KAZN: variants seen among roughly 807,000 people sequenced by gnomAD.
The protein encoded by KAZN is kazrin, periplakin interacting protein.
In KAZN, 40 loss-of-function variants were observed where a neutral mutation model predicts 87.4. That is an observed-to-expected ratio of 0.46 (90% CI 0.36 to 0.60). The LOEUF (loss-of-function observed/expected upper bound fraction) is 0.60, where lower values mean the gene tolerates loss of function less well. Among genes scored for constraint, KAZN ranks in the 20% least tolerant of loss-of-function variants. The pLI is 0.00. For missense variants in KAZN, 898 were observed against 1,073.9 expected, an observed-to-expected ratio of 0.84 and a Z score of 2.29; for synonymous variants, 466 against 458.3, an observed-to-expected ratio of 1.02 and a Z score of -0.22.
chr1:14,187,482 T>G (rs1646333171), intron 2 of KAZN, among the ~76,000 whole-genome samples: 1 of 152,174 alleles, frequency 6.6e-6, no homozygotes, highest in Admixed American at 6.5e-5. Flanking sequence ...TGATGTCTAC[T>G]GTGATGTTGG....
intron 2 of KAZN, among the ~76,000 whole-genome samples, chr1:15,030,451 A>T (rs1276428634): frequency 6.6e-6 from 1 of 152,092 alleles, no homozygotes; most frequent in African/African-American, 2.4e-5. Flanking sequence ...TATTTTTAGT[A>T]GAGACGGGGT....
chr1:14,225,870 T>C (rs1647257197), intron 2 of KAZN, among the ~76,000 whole-genome samples: 1 of 152,176 alleles, frequency 6.6e-6, no homozygotes, highest in African/African-American at 2.4e-5. Context: ...CAAGATGGAT[T>C]AAGGACTTAA....
chr1:14,155,872 A>G (rs2101812164), intron 1 of KAZN, among the ~76,000 whole-genome samples: 1 of 151,820 alleles, frequency 6.6e-6, no homozygotes, highest in African/African-American at 2.4e-5. Context: ...CTGATCTCGA[A>G]CTCCTGGCCT....
At chr1:14,051,509 T>C (rs542834249) in intron 1 of KAZN, among the ~76,000 whole-genome samples, 32 of 152,324 alleles carry the variant, frequency 2.1e-4, no homozygotes, top group Non-Finnish European at 2.8e-4. Context: ...CTGCAAGGTA[T>C]TGAATTATCT....
At chr1:14,673,924 G>T (rs548141876) in intron 1 of KAZN, among the ~76,000 whole-genome samples, 1 of 152,292 alleles carries the variant, frequency 6.6e-6, no homozygotes, top group East Asian at 1.9e-4. Flanking sequence ...ACTGGACTTT[G>T]GTTAGAAGCA....
intron 1 of KAZN, among the ~76,000 whole-genome samples, chr1:14,895,735 G>A (rs767382796): frequency 4.6e-5 from 7 of 152,184 alleles, no homozygotes; most frequent in African/African-American, 1.7e-4. Context: ...CATGCAGGCC[G>A]TGATCCCTGG....
chr1:14,740,653 C>G (rs1400843310), intron 1 of KAZN, among the ~76,000 whole-genome samples: 1 of 152,140 alleles, frequency 6.6e-6, no homozygotes, highest in East Asian at 1.9e-4. Flanking sequence ...CCGCTCTGGC[C>G]GCCCGCACTC....
chr1:15,040,806 C>T (rs965327716), intron 3 of KAZN, among the ~76,000 whole-genome samples: 8 of 151,154 alleles, frequency 5.3e-5, no homozygotes, highest in African/African-American at 1.9e-4. Context: ...AACAAACAAA[C>T]AAAAAACAGA....
intron 2 of KAZN, among the ~76,000 whole-genome samples, chr1:15,022,757 C>A (rs1269010996): frequency 6.6e-6 from 1 of 152,220 alleles, no homozygotes; most frequent in African/African-American, 2.4e-5. Context: ...CGGTCAGTCA[C>A]CCCCTCTAGG....
intron 1 of KAZN, among the ~76,000 whole-genome samples, chr1:14,780,408 C>T (rs1296700111): frequency 6.6e-6 from 1 of 152,156 alleles, no homozygotes; most frequent in Admixed American, 6.5e-5. Flanking sequence ...TTTGTGGGTT[C>T]ATTTACTATT....
chr1:14,458,134 T>C (rs74707579), intron 2 of KAZN, among the ~76,000 whole-genome samples: 12,487 of 152,260 alleles, frequency 0.082, 661 homozygotes, highest in South Asian at 0.12. Flanking sequence ...GTATAGTATA[T>C]TCTTAAACAA....
chr1:13,908,973 C>A (rs1639549411), intron 1 of KAZN, among the ~76,000 whole-genome samples: 2 of 152,194 alleles, frequency 1.3e-5, no homozygotes, highest in Non-Finnish European at 1.5e-5. Flanking sequence ...TTTCGCAAAG[C>A]AGCAGAGCTC....
At chr1:14,523,586 GC>G (rs1671697990) in intron 2 of KAZN, among the ~76,000 whole-genome samples, 1 of 152,230 alleles carries the variant, frequency 6.6e-6, no homozygotes, top group African/African-American at 2.4e-5. Flanking sequence ...ATCACCAGCA[GC>G]CCTCTAGTGA....
chr1:14,859,681 C>T (rs1040203765), intron 1 of KAZN, among the ~76,000 whole-genome samples: 5 of 152,210 alleles, frequency 3.3e-5, no homozygotes, highest in African/African-American at 1.2e-4. Context: ...AAGCCCTTAT[C>T]TGTCAATGTC....
chr1:15,104,144 G>A lies in KAZN; in HGVS notation c.2003G>A (p.Arg668Gln), dbSNP rs147449416. Residue 668 changes from arginine (R) to glutamine (Q), a missense_variant, in exon 13 of 15, where the codon CGG (arginine) becomes CAG (glutamine). Coordinates refer to ENST00000376030, the MANE Select transcript of KAZN (RefSeq NM_201628.3). ...LGIPSGKHILRRHLAEEMSAV... is the reference protein window; with the variant it reads ...LGIPSGKHILQRHLAEEMSAV... ...ATCCCCAGTGGGAAGCACATCCTCC[G>A]GAGACACCTGGCAGAGGAGATGAGC... is the stretch of plus-strand genomic sequence containing the variant. 58 of 1,603,872 alleles carry A rather than the reference G, an allele frequency of 3.6e-5. No homozygotes were observed. Among genetic ancestry groups the A allele is most frequent in the East Asian group, 4.5e-5 (2 of 44,356 alleles).
intron 8 of KAZN, among the ~76,000 whole-genome samples, chr1:15,091,787 G>A (rs1379556594): frequency 6.6e-6 from 1 of 152,116 alleles, no homozygotes. Context: ...TTGCTTCCTA[G>A]TATTTAATTT....
intron 1 of KAZN, among the ~76,000 whole-genome samples, chr1:14,649,698 G>T (rs1638226776): frequency 6.6e-6 from 1 of 152,150 alleles, no homozygotes; most frequent in South Asian, 2.1e-4. Context: ...CCAGTGTGTG[G>T]TTTAGAGCTC....
chr1:14,155,980 A>G (rs1645585091), intron 1 of KAZN, among the ~76,000 whole-genome samples: 1 of 152,100 alleles, frequency 6.6e-6, no homozygotes, highest in South Asian at 2.1e-4. Context: ...TACAGCTTAT[A>G]AACTTCCCTC....
At chr1:14,187,154 C>G (rs764047319) in intron 2 of KAZN, among the ~76,000 whole-genome samples, 1 of 152,028 alleles carries the variant, frequency 6.6e-6, no homozygotes, top group African/African-American at 2.4e-5. Flanking sequence ...TCCAGCCCGT[C>G]GCAAAGAAGG....
Sources: gnomAD v4.1 joint callset for allele counts (sites outside exome capture counted in the v4.1 genomes callset) on GRCh38, gnomAD v4.1.1 for gene constraint, MANE v1.5 for transcripts, NCBI Gene and HGNC (gene_info 2026-07-23, HGNC 2026-07-21) for gene names.